Variants in TBX5 observed in about 807,000 individuals in gnomAD.
The protein encoded by TBX5 is T-box transcription factor 5, also known as T-box transcription factor TBX5.
In TBX5, 8 loss-of-function variants were observed where a neutral mutation model predicts 51.1. That is an observed-to-expected ratio of 0.16 (90% CI 0.09 to 0.28). The LOEUF is 0.28. Ranked by LOEUF, TBX5 falls within the 10% of genes least tolerant of loss-of-function variation. TBX5 has a pLI of 1.00. For missense variants in TBX5, 589 were observed against 671.7 expected, an observed-to-expected ratio of 0.88 and a Z score of 1.36; for synonymous variants, 302 against 266.4, an observed-to-expected ratio of 1.13 and a Z score of -1.30.
intron 8 of TBX5, 198 bp downstream of exon 8, chr12:114,365,967 C>G: frequency 1.5e-6 from 1 of 675,514 alleles, no homozygotes; most frequent in South Asian, 1.8e-5. Flanking sequence ...GGGGCTGGAA[C>G]TGGGGGTAGG....
chr12:114,398,621 G>T lies in TBX5; in HGVS notation c.462C>A (p.Ser154=), dbSNP rs745934847. 68 of 1,613,572 alleles carry T rather than the reference G, an allele frequency of 4.2e-5. 3 individuals are homozygous for T. The South Asian group carries it at 7.3e-4, about 17-fold the overall frequency. Residue 154 remains serine (S), a synonymous_variant, in exon 5 of 9, where the codon TCC becomes TCA. Coordinates refer to ENST00000405440, the MANE Select transcript of TBX5 (RefSeq NM_181486.4). ...TGAHWMRQLV[S]FQKLKLTNNH... ...TGTTGGTGAGCTTGAGTTTCTGGAA[G>T]GAGACGAGCTGCCTCATCCAATGCG...
At chr12:114,357,964 G>A (rs187590845) in intron 8 of TBX5, among the ~76,000 whole-genome samples, 1 of 152,308 alleles carries the variant, frequency 6.6e-6, no homozygotes, top group East Asian at 1.9e-4. Context: ...TATTTATTGA[G>A]TACCTACTAC....
At chr12:114,391,929 G>A (rs1593872714) in intron 6 of TBX5, among the ~76,000 whole-genome samples, 1 of 152,120 alleles carries the variant, frequency 6.6e-6, no homozygotes, top group Admixed American at 6.5e-5. Context: ...AAGAAGTGGG[G>A]GAGGGTAACA....
chr12:114,396,733 C>G (rs1406480694), intron 5 of TBX5, among the ~76,000 whole-genome samples: 1 of 152,174 alleles, frequency 6.6e-6, no homozygotes, highest in East Asian at 1.9e-4. Context: ...AGGAGCCAGC[C>G]CAGAGATGCA....
intron 3 of TBX5, among the ~76,000 whole-genome samples, chr12:114,401,538 CT>C (rs1021450340): frequency 3.9e-5 from 6 of 152,126 alleles, no homozygotes; most frequent in African/African-American, 1.4e-4. Flanking sequence ...GCCTCCCAAG[CT>C]CTTTATTCTT....
In TBX5 at chr12:114,355,856, G is replaced by A. The variant is rs188839350; in HGVS notation, c.1233C>T (p.Thr411=). ...WPSMPSYSSC[T]VTTVQPMDRL... is the part of the protein sequence containing the mutation. ...TGTCCATGGGCTGCACGGTGGTGAC[G>A]GTGCAGCTGCTGTAGGAAGGCATGC... Residue 411 remains threonine (T), a synonymous_variant, in exon 9 of 9, where the codon ACC becomes ACT. Transcript: ENST00000405440. The A allele has an allele frequency of 1.3e-5, 21 of 1,613,698 alleles. No homozygotes were observed. Among genetic ancestry groups the A allele is most frequent in the Admixed American group, 5.0e-5 (3 of 60,010 alleles).
intron 7 of TBX5, among the ~76,000 whole-genome samples, chr12:114,377,978 T>C (rs551849319): frequency 3.3e-5 from 5 of 152,120 alleles, no homozygotes; most frequent in African/African-American, 1.2e-4. Flanking sequence ...CTCCAAACTT[T>C]CCCATCCACT....
intron 7 of TBX5, among the ~76,000 whole-genome samples, chr12:114,366,955 A>G (rs1285829972): frequency 6.6e-6 from 1 of 152,176 alleles, no homozygotes; most frequent in Non-Finnish European, 1.5e-5. Flanking sequence ...GTGGCCACTG[A>G]TATACTTAAC....
At chr12:114,366,140 A>G (rs375873875) in intron 8 of TBX5, 25 bp downstream of exon 8, 1 of 1,612,542 alleles carries the variant, frequency 6.2e-7, no homozygotes. Flanking sequence ...AAGAAAGCAA[A>G]TTGACCAGGG....
chr12:114,369,624 C>A (rs961572995), intron 7 of TBX5, among the ~76,000 whole-genome samples: 1 of 152,200 alleles, frequency 6.6e-6, no homozygotes, highest in African/African-American at 2.4e-5. Flanking sequence ...AAGGAACGGT[C>A]AACCAAAGAG....
Position 114,366,106 on chromosome 12 carries a change from A to T in TBX5, c.982+59T>A, listed in dbSNP as rs1248334480. On this transcript the variant is annotated intron_variant, in intron 8 of 8. Transcript: ENST00000405440. ...AATACTCCTCACCCCCTCACCCCCA[A>T]CCCAAGGAAAGGAAAAGGTAAGAAA... 5 of 1,568,908 alleles carry T rather than the reference A, an allele frequency of 3.2e-6. No homozygotes were observed. The South Asian group carries it at 5.5e-5, about 17-fold the overall frequency.
Position 114,405,801 on chromosome 12 carries a change from C to T in TBX5, c.-212G>A, listed in dbSNP as rs12423887. 0.13 allele frequency: 125,744 copies of T among 985,434 alleles called. 8,237 individuals carry two copies. The highest frequency in any genetic ancestry group is 0.16 in the South Asian group (3,376 of 21,288). 61.0% of individuals were successfully genotyped at this position (985,434 alleles called of 1,614,324 possible). On this transcript the variant is annotated 5_prime_UTR_variant, in exon 1 of 9. Coordinates refer to ENST00000405440, the MANE Select transcript of TBX5 (RefSeq NM_181486.4). Reference sequence around the variant, plus strand: ...GGCGCACCTACCGCTGGAGCCTCCGCGGCGACTGCCCACCTCCAACACACA... The same window carrying T: ...GGCGCACCTACCGCTGGAGCCTCCGTGGCGACTGCCCACCTCCAACACACA...
At position 114,402,026 on chromosome 12, in the gene TBX5, C is replaced by G. The variant is rs1871849717; in HGVS notation, c.148-106G>C. On this transcript the variant is annotated intron_variant, in intron 2 of 8. Transcript: ENST00000405440. ...AGACTGCTCCTCCTTCCCGCTGGAGCCTGTGGTCTCAGAGAGTAAAAAGTG... is the reference window on the plus strand; with the variant it reads ...AGACTGCTCCTCCTTCCCGCTGGAGGCTGTGGTCTCAGAGAGTAAAAAGTG... 3 of 1,019,462 alleles carry G rather than the reference C, an allele frequency of 2.9e-6. No homozygotes were observed. In the East Asian group the frequency reaches 7.5e-5, roughly 25 times the overall value. 63.2% of individuals were successfully genotyped at this position (1,019,462 alleles called of 1,614,324 possible).
At chr12:114,390,908 C>A (rs1426421394) in intron 6 of TBX5, among the ~76,000 whole-genome samples, 1 of 152,120 alleles carries the variant, frequency 6.6e-6, no homozygotes. Flanking sequence ...TTTTAAATAT[C>A]TTTTTTAAGC....
chr12:114,368,985 G>A (rs989989607), intron 7 of TBX5, among the ~76,000 whole-genome samples: 5 of 151,646 alleles, frequency 3.3e-5, no homozygotes, highest in Admixed American at 6.6e-5. Flanking sequence ...TTGCTTTGTG[G>A]TTCAAGCTAC....
intron 1 of TBX5, among the ~76,000 whole-genome samples, chr12:114,404,674 G>T (rs1872081205): frequency 6.6e-6 from 1 of 152,070 alleles, no homozygotes; most frequent in Non-Finnish European, 1.5e-5. Context: ...GAAAGTCACC[G>T]TGCAGCCGTT....
chr12:114,359,002 G>A (rs1387903273), intron 8 of TBX5, among the ~76,000 whole-genome samples: 3 of 151,992 alleles, frequency 2.0e-5, no homozygotes, highest in African/African-American at 7.3e-5. Context: ...AAGTACAGCT[G>A]CAGGGCACCC....
chr12:114,384,745 A>ACAAC (rs10629159), intron 7 of TBX5, among the ~76,000 whole-genome samples: 19 of 115,164 alleles, frequency 1.6e-4, no homozygotes, highest in Non-Finnish European at 2.8e-4. Flanking sequence ...ACACACACAC[A>ACAAC]ACACACACAC....
At chr12:114,393,630 C>CTATAGA (rs1446280725) in intron 6 of TBX5, among the ~76,000 whole-genome samples, 1 of 152,182 alleles carries the variant, frequency 6.6e-6, no homozygotes, top group Non-Finnish European at 1.5e-5. Flanking sequence ...CAACCTGCCG[C>CTATAGA]TATAGGCAGC....
Sources: gnomAD v4.1 joint callset for allele counts (sites outside exome capture counted in the v4.1 genomes callset) on GRCh38, gnomAD v4.1.1 for gene constraint, MANE v1.5 for transcripts, NCBI Gene and HGNC (gene_info 2026-07-23, HGNC 2026-07-21) for gene names.